Variants in SPATA13 observed in about 807,000 individuals in gnomAD.
SPATA13 encodes the protein spermatogenesis associated 13.
SPATA13 carries 50 observed loss-of-function variants against 104.0 expected under a neutral mutation model. The observed-to-expected ratio is 0.48, with a 90% CI of 0.38 to 0.61. SPATA13 has a LOEUF of 0.61. Among genes scored for constraint, SPATA13 ranks in the 20% least tolerant of loss-of-function variants. SPATA13 has a pLI of 0.00. For synonymous variants in SPATA13, 606 were observed against 667.5 expected, an observed-to-expected ratio of 0.91 and a Z score of 1.42; for missense variants, 1,524 against 1,690.6, an observed-to-expected ratio of 0.90 and a Z score of 1.73.
intron 1 of SPATA13, chr13:23,983,629 G>A (rs1249886996): frequency 7.1e-6 from 1 of 141,214 alleles, no homozygotes; most frequent in Non-Finnish European, 1.5e-5. Context: ...TTTTACACTA[G>A]TATATTCTGT....
At position 24,302,716 on chromosome 13, in the gene SPATA13, G is replaced by C; in HGVS notation, c.3777G>C (p.Lys1259Asn). The C allele has an allele frequency of 6.2e-7, 1 of 1,614,120 alleles. No homozygotes were observed. Among genetic ancestry groups the C allele is most frequent in the Non-Finnish European group, 8.5e-7 (1 of 1,180,030 alleles). ...AGGTCTTTGGCCTGGCGGAACCCAA[G>C]AGGAAGTCCTCGCTCTTCTGGCACA... The part of the protein sequence containing the change: ...QQQVFGLAEP[K>N]RKSSLFWHTF... The change falls in exon 13 of 13, where the codon AAG becomes AAC. Residue 1259 changes from lysine (K) to asparagine (N), a missense_variant. Coordinates refer to ENST00000382108, the MANE Select transcript of SPATA13 (RefSeq NM_001166271.3).
At chr13:24,123,403 T>C in intron 3 of SPATA13, 5 of 1,292,752 alleles carry the variant, frequency 3.9e-6, no homozygotes, top group Non-Finnish European at 5.6e-6. Flanking sequence ...AGTTCACTGC[T>C]GAAGAGGGGG....
chr13:24,260,809 T>C (rs1274837592), intron 4 of SPATA13, among the ~76,000 whole-genome samples: 1 of 152,196 alleles, frequency 6.6e-6, no homozygotes, highest in Non-Finnish European at 1.5e-5. Context: ...TGGGTGTGGA[T>C]TGTACAAGAG....
rs73166318 is a variant in SPATA13 at position 24,165,991 on chromosome 13, G to A, written c.-112+5059G>A. ...GAAAAATAGCCTCTGGTTCAGAAAT[G>A]TGCTCCACTTCCACCCTTCCTGGGG... On this transcript the variant is annotated intron_variant, in intron 1 of 12. Coordinates refer to ENST00000382108, the MANE Select transcript of SPATA13 (RefSeq NM_001166271.3). 6.5e-3 allele frequency among the ~76,000 whole-genome samples: 983 copies of A among 152,276 alleles called. 5 individuals are homozygous for A. Among genetic ancestry groups the A allele is most frequent in the Middle Eastern group, 0.01 (3 of 294 alleles).
chr13:24,075,643 G>A (rs921143894), intron 3 of SPATA13, among the ~76,000 whole-genome samples: 12 of 152,144 alleles, frequency 7.9e-5, no homozygotes, highest in Non-Finnish European at 8.8e-5. Context: ...TGCTTATCCC[G>A]CTTTTTAAAA....
intron 2 of SPATA13, among the ~76,000 whole-genome samples, chr13:24,239,898 T>C (rs774824044): frequency 1.1e-4 from 16 of 151,932 alleles, no homozygotes; most frequent in Non-Finnish European, 2.1e-4. Context: ...CTATATTCTT[T>C]AGCATGTGTT....
chr13:24,297,485 C>A lies in SPATA13; in HGVS notation c.3333C>A (p.Cys1111Ter). ...TGTTTGACCACCAGCTGGTGTCCTG[C>A]AAGAAGGACCTGCTGCGCAGGGACA... ...FFLFDHQLVS[C>*]KKDLLRRDML... The change falls in exon 11 of 13, where the codon TGC (cysteine) becomes TGA (stop). Residue 1111 changes from cysteine (C) to a stop codon, truncating the protein, a stop_gained. Coordinates refer to ENST00000382108, the MANE Select transcript of SPATA13 (RefSeq NM_001166271.3). LOFTEE classifies it high-confidence loss of function. 1 of 1,614,192 alleles carries A rather than the reference C, an allele frequency of 6.2e-7. No individual in the cohort carries two copies. Among genetic ancestry groups the A allele is most frequent in the South Asian group, 1.1e-5 (1 of 91,078 alleles).
In SPATA13 at chr13:24,288,985, T is replaced by G; in HGVS notation, c.2668-14T>G. 3 of 1,583,182 alleles carry G rather than the reference T, an allele frequency of 1.9e-6. No individual in the cohort carries two copies. The South Asian group carries it at 3.5e-5, about 18-fold the overall frequency. ...GGATTTCCAAATAAAAAGTATTACT[T>G]CTGTATTTTGCAGGGCTATATCCGA... On this transcript the variant is annotated splice_polypyrimidine_tract_variant and intron_variant, in intron 7 of 12. Coordinates refer to ENST00000382108, the MANE Select transcript of SPATA13 (RefSeq NM_001166271.3).
At chr13:24,018,625 A>G (rs958834579) in intron 3 of SPATA13, among the ~76,000 whole-genome samples, 7 of 152,222 alleles carry the variant, frequency 4.6e-5, no homozygotes, top group Non-Finnish European at 1.0e-4. Flanking sequence ...CTAATTGGCG[A>G]GGTGAGCGCT....
intron 4 of SPATA13, among the ~76,000 whole-genome samples, chr13:24,272,499 G>A (rs1874684246): frequency 6.6e-6 from 1 of 152,188 alleles, no homozygotes; most frequent in Non-Finnish European, 1.5e-5. Flanking sequence ...CCTATGGTGG[G>A]TTTTCTTTCC....
intron 3 of SPATA13, among the ~76,000 whole-genome samples, chr13:24,112,373 C>T (rs1200351853): frequency 1.8e-4 from 27 of 152,156 alleles, no homozygotes; most frequent in Admixed American, 1.8e-3. Context: ...TGTAGTGCTC[C>T]CCACATTGTA....
chr13:24,047,220 T>C (rs766095849), intron 3 of SPATA13, among the ~76,000 whole-genome samples: 1 of 152,176 alleles, frequency 6.6e-6, no homozygotes, highest in Non-Finnish European at 1.5e-5. Flanking sequence ...ATAACAATCT[T>C]AGGCAATATA....
intron 1 of SPATA13, among the ~76,000 whole-genome samples, chr13:24,219,518 G>C (rs1218992505): frequency 6.6e-6 from 1 of 152,218 alleles, no homozygotes; most frequent in Non-Finnish European, 1.5e-5. Flanking sequence ...ATTAGACAAG[G>C]CAGGATAACT....
At chr13:24,118,988 C>T (rs900534723) in intron 3 of SPATA13, among the ~76,000 whole-genome samples, 3 of 150,838 alleles carry the variant, frequency 2.0e-5, no homozygotes, top group African/African-American at 7.3e-5. Flanking sequence ...TTACTGCAAC[C>T]TCCACCTCCT....
chr13:23,997,730 G>A (rs1217682797), intron 2 of SPATA13, among the ~76,000 whole-genome samples: 2 of 152,070 alleles, frequency 1.3e-5, no homozygotes, highest in Non-Finnish European at 2.9e-5. Flanking sequence ...GGCAAGAGAG[G>A]GAACAAGGGA....
At position 24,027,134 on chromosome 13, in the gene SPATA13, G is replaced by GTTTTT. The variant is rs59906180; in HGVS notation, c.-112+9447_-112+9451dup. Among the ~76,000 whole-genome samples the GTTTTT allele has an allele frequency of 1.8e-4, 20 of 112,076 alleles. 1 individual carries two copies. The highest frequency in any genetic ancestry group is 2.8e-4 in the African/African-American group (8 of 28,562). The allele number at this position is 112,076 out of a possible 152,430, so 73.5% of individuals were successfully genotyped here. A position where few individuals can be genotyped will look rare whatever the true frequency, so the allele number is the denominator to read the frequency against. Reference sequence around the variant, plus strand: ...TGTTCCTGATATTTTTTGTTTAGCCGTTTTTTTTTTTTTTTTTTGAGACGG... The same window carrying GTTTTT: ...TGTTCCTGATATTTTTTGTTTAGCCGTTTTTTTTTTTTTTTTTTTTTTTGAGACGG... On this transcript the variant is annotated intron_variant, in intron 3 of 14. Transcript: ENST00000424834.
At chr13:24,298,032 A>G (rs1356337435) in intron 11 of SPATA13, among the ~76,000 whole-genome samples, 1 of 152,188 alleles carries the variant, frequency 6.6e-6, no homozygotes, top group African/African-American at 2.4e-5. Context: ...CTGTTATTAT[A>G]CCCAATTTAC....
At position 24,188,104 on chromosome 13, in the gene SPATA13, G is replaced by A. The variant is rs559499669; in HGVS notation, c.-112+27172G>A. On this transcript the variant is annotated intron_variant, in intron 1 of 12. Coordinates refer to ENST00000382108, the MANE Select transcript of SPATA13 (RefSeq NM_001166271.3). ...GCCTGTAACCCTAGCTCTTTGGGAG[G>A]CCAAGGCGGGCAGATTGCCTGAGCT... 5.0e-4 allele frequency among the ~76,000 whole-genome samples: 76 copies of A among 151,832 alleles called. 1 individual carries two copies. Among genetic ancestry groups the A allele is most frequent in the South Asian group, 1.5e-3 (7 of 4,818 alleles).
chr13:24,041,140 G>A (rs1187425302), intron 3 of SPATA13, among the ~76,000 whole-genome samples: 12 of 152,324 alleles, frequency 7.9e-5, no homozygotes, highest in Middle Eastern at 3.4e-3. Flanking sequence ...AAATGGTGCA[G>A]CCCTATCCAC....
Sources: allele counts gnomAD v4.1 joint callset (sites outside exome capture counted in the v4.1 genomes callset), GRCh38; gene constraint gnomAD v4.1.1; transcripts MANE v1.5; gene names NCBI Gene and HGNC (gene_info 2026-07-23, HGNC 2026-07-21).